Variants in SEZ6L observed in about 807,000 individuals in gnomAD.
SEZ6L encodes the protein seizure 6-like protein.
A neutral mutation model predicts 106.2 loss-of-function variants in SEZ6L; 37 were observed. The observed-to-expected ratio is 0.35, with a 90% confidence interval of 0.27 to 0.46. The LOEUF (loss-of-function observed/expected upper bound fraction) is 0.46, where lower values mean the gene tolerates loss of function less well. Ranked by LOEUF, SEZ6L falls within the 20% of genes least tolerant of loss-of-function variation. SEZ6L has a pLI of 1.00. For synonymous variants in SEZ6L, 541 were observed against 570.4 expected, an observed-to-expected ratio of 0.95 and a Z score of 0.73; for missense variants, 1,172 against 1,332.8, an observed-to-expected ratio of 0.88 and a Z score of 1.88.
rs112037959 is a variant in SEZ6L at position 26,310,426 on chromosome 22, C to T, written c.1515-244C>T. 4.1e-3 allele frequency among the ~76,000 whole-genome samples: 628 copies of T among 152,256 alleles called. 10 individuals carry two copies. In the East Asian group the frequency reaches 0.058, roughly 14 times the overall value. On this transcript the variant is annotated intron_variant, in intron 6 of 16. Coordinates refer to ENST00000248933, the MANE Select transcript of SEZ6L (RefSeq NM_021115.5). ...TGGGACACACCTGTAATCTCAGCTA[C>T]TCGGGAGGCTGAGGCAGGAGAATCA...
At chr22:26,269,702 T>C (rs958132235) in intron 1 of SEZ6L, among the ~76,000 whole-genome samples, 3 of 152,248 alleles carry the variant, frequency 2.0e-5, no homozygotes, top group African/African-American at 4.8e-5. Context: ...ATGAGGCTAA[T>C]AAAGCGTGTT....
chr22:26,316,142 A>G (rs1033565888), intron 9 of SEZ6L, among the ~76,000 whole-genome samples: 5 of 152,202 alleles, frequency 3.3e-5, no homozygotes, highest in Non-Finnish European at 5.9e-5. Flanking sequence ...CTGGAATAAG[A>G]TGCTTATTCA....
chr22:26,236,732 A>G (rs541269224), intron 1 of SEZ6L, among the ~76,000 whole-genome samples: 1 of 152,308 alleles, frequency 6.6e-6, no homozygotes, highest in Admixed American at 6.5e-5. Flanking sequence ...TAGCAAAACT[A>G]AGGCTGAATG....
At chr22:26,366,892 T>C (rs978120472) in intron 13 of SEZ6L, among the ~76,000 whole-genome samples, 4 of 151,962 alleles carry the variant, frequency 2.6e-5, no homozygotes, top group African/African-American at 9.7e-5. Flanking sequence ...CAAGCGATCC[T>C]CCCTCCTCTG....
rs749192838 is a variant in SEZ6L, at chr22:26,310,799, G to A, written c.1644G>A (p.Gln548=). The A allele has an allele frequency of 1.2e-6, 2 of 1,614,146 alleles. No homozygotes were observed. Among genetic ancestry groups the A allele is most frequent in the Admixed American group, 3.3e-5 (2 of 60,020 alleles). ...NTIRIEFTSD[Q]ARAASTFNIR... is the part of the protein sequence containing the mutation. ...TCCGCATCGAGTTCACGTCCGACCAGGCCCGGGCGGCCTCCACCTTCAACA... is the reference window on the plus strand; with the variant it reads ...TCCGCATCGAGTTCACGTCCGACCAAGCCCGGGCGGCCTCCACCTTCAACA... Residue 548 remains glutamine, a synonymous_variant, in exon 7 of 17, where the codon CAG becomes CAA. Transcript: ENST00000248933.
At chr22:26,331,248 A>T (rs1394554737) in intron 9 of SEZ6L, among the ~76,000 whole-genome samples, 2 of 152,218 alleles carry the variant, frequency 1.3e-5, no homozygotes, top group Non-Finnish European at 2.9e-5. Context: ...TCTGTGTCAG[A>T]TTCTAATTTG....
rs1473594569 is a variant in SEZ6L at position 26,278,704 on chromosome 22, C to T, written c.95-13702C>T. Reference sequence around the variant, plus strand: ...ACCCAGGTTCTTTGGTGTATTGTAACAATGAAATGTGTTCCATCATTAAAA... The same window carrying T: ...ACCCAGGTTCTTTGGTGTATTGTAATAATGAAATGTGTTCCATCATTAAAA... On this transcript the variant is annotated intron_variant, in intron 1 of 16. Transcript: ENST00000248933. 2.8e-5 allele frequency among the ~76,000 whole-genome samples: 4 copies of T among 145,288 alleles called. No individual in the cohort carries two copies. In the East Asian group the frequency reaches 8.0e-4, roughly 29 times the overall value.
At chr22:26,224,351 T>C (rs1002178464) in intron 1 of SEZ6L, among the ~76,000 whole-genome samples, 1 of 152,242 alleles carries the variant, frequency 6.6e-6, no homozygotes, top group African/African-American at 2.4e-5. Context: ...TGGCAGGGCC[T>C]GGCTCAGCTT....
rs1431406085 is a variant in SEZ6L, at chr22:26,296,905, G to A, written c.987G>A (p.Leu329=). Residue 329 remains leucine (L), a synonymous_variant, in exon 4 of 17, where the codon CTG becomes CTA. Coordinates refer to ENST00000248933, the MANE Select transcript of SEZ6L (RefSeq NM_021115.5). ...GTTCCCAGGTGAAGAGTGTGAACCT[G>A]TCCGATGGGGAACTGCTCTCCATCC... ...GVELQVKSVN[L]SDGELLSIRG... 1 of 1,609,930 alleles carries A rather than the reference G, an allele frequency of 6.2e-7. No homozygotes were observed. The highest frequency in any genetic ancestry group is 1.7e-5 in the Admixed American group (1 of 59,630).
At chr22:26,311,264 T>C (rs2081821358) in intron 7 of SEZ6L, among the ~76,000 whole-genome samples, 1 of 152,212 alleles carries the variant, frequency 6.6e-6, no homozygotes, top group African/African-American at 2.4e-5. Flanking sequence ...CTCCACCTAG[T>C]AGACCTCTTA....
chr22:26,259,813 G>A (rs2079941243), intron 1 of SEZ6L, among the ~76,000 whole-genome samples: 1 of 152,138 alleles, frequency 6.6e-6, no homozygotes, highest in Non-Finnish European at 1.5e-5. Flanking sequence ...ATCTCCCACA[G>A]CTCATAATTT....
At chr22:26,367,728 G>A (rs1306727872) in intron 13 of SEZ6L, among the ~76,000 whole-genome samples, 1 of 152,130 alleles carries the variant, frequency 6.6e-6, no homozygotes, top group Non-Finnish European at 1.5e-5. Flanking sequence ...TGGGTTAGGA[G>A]TGTTCCTCCA....
At chr22:26,319,473 G>C (rs774933184) in intron 9 of SEZ6L, among the ~76,000 whole-genome samples, 2 of 152,178 alleles carry the variant, frequency 1.3e-5, no homozygotes, top group African/African-American at 4.8e-5. Flanking sequence ...TACATCTCCA[G>C]CATCGCTTTA....
rs74367632 is a variant in SEZ6L at position 26,241,726 on chromosome 22, T to C, written c.95-50680T>C. On this transcript the variant is annotated intron_variant, in intron 1 of 16. Coordinates refer to ENST00000248933, the MANE Select transcript of SEZ6L (RefSeq NM_021115.5). ...TCATTACATTTTAAAAACAAACACTTCTAAAATTCCCTTAAATATAGCTTT... is the reference window on the plus strand; with the variant it reads ...TCATTACATTTTAAAAACAAACACTCCTAAAATTCCCTTAAATATAGCTTT... Among the ~76,000 whole-genome samples, 850 of 152,196 alleles carry C rather than the reference T, an allele frequency of 5.6e-3. 35 individuals are homozygous for C. The East Asian group carries it at 0.097, about 17-fold the overall frequency.
intron 11 of SEZ6L, among the ~76,000 whole-genome samples, chr22:26,349,916 AT>A (rs1350179987): frequency 6.6e-6 from 1 of 151,766 alleles, no homozygotes; most frequent in African/African-American, 2.4e-5. Flanking sequence ...ATCTATATTG[AT>A]TTTTTAATGT....
intron 1 of SEZ6L, among the ~76,000 whole-genome samples, chr22:26,271,247 A>T (rs1320266624): frequency 6.6e-6 from 1 of 152,252 alleles, no homozygotes; most frequent in Admixed American, 6.5e-5. Context: ...TGCTGGTTAC[A>T]GCATCATAGG....
intron 1 of SEZ6L, among the ~76,000 whole-genome samples, chr22:26,204,855 A>T (rs1941196577): frequency 6.6e-6 from 1 of 152,226 alleles, no homozygotes; most frequent in African/African-American, 2.4e-5. Flanking sequence ...AGCTTTTTCA[A>T]GAAACTTCAC....
At chr22:26,206,844 G>A (rs1039412213) in intron 1 of SEZ6L, among the ~76,000 whole-genome samples, 4 of 152,112 alleles carry the variant, frequency 2.6e-5, no homozygotes, top group Admixed American at 2.6e-4. Flanking sequence ...ATCTCTTTCT[G>A]GACAGAAAAT....
At chr22:26,311,388 G>A (rs1310153489) in intron 7 of SEZ6L, among the ~76,000 whole-genome samples, 2 of 152,174 alleles carry the variant, frequency 1.3e-5, no homozygotes, top group African/African-American at 2.4e-5. Context: ...GGGACTTTCT[G>A]TTCTGGCTTT....
Sources: gnomAD v4.1 joint callset for allele counts (sites outside exome capture counted in the v4.1 genomes callset) on GRCh38, gnomAD v4.1.1 for gene constraint, MANE v1.5 for transcripts, NCBI Gene and HGNC (gene_info 2026-07-23, HGNC 2026-07-21) for gene names.